FOXP1: variants seen among roughly 807,000 people sequenced by gnomAD.
FOXP1 encodes forkhead box P1.
FOXP1 carries 15 observed loss-of-function variants against 98.2 expected under a neutral mutation model. That is an observed-to-expected ratio of 0.15 (90% CI 0.10 to 0.24). FOXP1 has a LOEUF of 0.24. FOXP1 is among the 10% of genes least tolerant of loss of function. FOXP1 has a pLI of 1.00. For synonymous variants in FOXP1, 371 were observed against 314.5 expected (o/e 1.18, Z -1.90); for missense variants, 633 against 848.5 (o/e 0.75, Z 3.15).
chr3:71,388,850 C>T (rs2080803653), intron 3 of FOXP1, among the ~76,000 whole-genome samples: 1 of 152,130 alleles, frequency 6.6e-6, no homozygotes, highest in South Asian at 2.1e-4. Context: ...TTCATCACAG[C>T]TAATGTTCTG....
At chr3:71,154,155 T>C in intron 6 of FOXP1, among the ~76,000 whole-genome samples, 1 of 152,202 alleles carries the variant, frequency 6.6e-6, no homozygotes, top group East Asian at 1.9e-4. Context: ...AATGTGATAT[T>C]TTGAGAAAAA....
chr3:71,442,858 C>T (rs925002448), intron 3 of FOXP1, among the ~76,000 whole-genome samples: 1 of 151,844 alleles, frequency 6.6e-6, no homozygotes, highest in African/African-American at 2.4e-5. Flanking sequence ...GGCTCCAGCA[C>T]CTGCAGTTTT....
At chr3:71,260,078 G>A (rs1238758321) in intron 5 of FOXP1, among the ~76,000 whole-genome samples, 1 of 152,166 alleles carries the variant, frequency 6.6e-6, no homozygotes, top group Admixed American at 6.5e-5. Flanking sequence ...CCGCCTCCCG[G>A]GTTCACGCTA....
At chr3:71,046,057 T>C (rs569326167) in intron 10 of FOXP1, among the ~76,000 whole-genome samples, 7 of 152,272 alleles carry the variant, frequency 4.6e-5, no homozygotes, top group Non-Finnish European at 7.4e-5. Flanking sequence ...ACTTTCTACT[T>C]TCTCTTTCCT....
At chr3:71,276,082 A>G (rs1576713323) in intron 5 of FOXP1, 1 of 152,248 alleles carries the variant, frequency 6.6e-6, no homozygotes, top group East Asian at 1.9e-4. Flanking sequence ...ATGATTAAAA[A>G]GAAATCAGGT....
chr3:71,039,907 C>T (rs562089668), intron 11 of FOXP1, among the ~76,000 whole-genome samples: 6 of 152,256 alleles, frequency 3.9e-5, no homozygotes, highest in African/African-American at 1.2e-4. Flanking sequence ...CATTCTATTC[C>T]TCTATCTATT....
chr3:71,407,880 C>T (rs188709005), intron 3 of FOXP1, among the ~76,000 whole-genome samples: 1 of 152,280 alleles, frequency 6.6e-6, no homozygotes, highest in African/African-American at 2.4e-5. Context: ...AATTATCTGT[C>T]GCTCTACAAT....
chr3:71,193,036 T>C (rs551030731), intron 6 of FOXP1, among the ~76,000 whole-genome samples: 2 of 152,166 alleles, frequency 1.3e-5, no homozygotes, highest in Non-Finnish European at 2.9e-5. Flanking sequence ...GTCCCTCAAA[T>C]ACCATTTCCC....
At chr3:71,021,536 T>C (rs1269277366) in intron 11 of FOXP1, among the ~76,000 whole-genome samples, 1 of 152,210 alleles carries the variant, frequency 6.6e-6, no homozygotes, top group Admixed American at 6.5e-5. Flanking sequence ...CTGTTTTCAA[T>C]TTTAGGGGAT....
chr3:71,298,197 T>C (rs1250320574), intron 5 of FOXP1, among the ~76,000 whole-genome samples: 1 of 152,160 alleles, frequency 6.6e-6, no homozygotes, highest in Admixed American at 6.5e-5. Context: ...CCGGGAGCAG[T>C]GCCTCACGCC....
chr3:70,983,024 T>G (rs1212739716), intron 14 of FOXP1, among the ~76,000 whole-genome samples: 2 of 152,206 alleles, frequency 1.3e-5, no homozygotes, highest in Non-Finnish European at 2.9e-5. Flanking sequence ...TTTAACTGCA[T>G]GGCAGTGTCA....
intron 5 of FOXP1, among the ~76,000 whole-genome samples, chr3:71,259,571 G>C (rs2068921535): frequency 6.6e-6 from 1 of 152,044 alleles, no homozygotes; most frequent in African/African-American, 2.4e-5. Context: ...AAACCCTATG[G>C]GCGTCTGGTA....
chr3:71,023,562 A>C (rs1291829570), intron 11 of FOXP1, among the ~76,000 whole-genome samples: 1 of 152,206 alleles, frequency 6.6e-6, no homozygotes, highest in African/African-American at 2.4e-5. Context: ...CTTCAATGAC[A>C]GCTTATACAA....
At chr3:71,568,878 C>T (rs1441606196) in intron 2 of FOXP1, among the ~76,000 whole-genome samples, 1 of 152,156 alleles carries the variant, frequency 6.6e-6, no homozygotes, top group African/African-American at 2.4e-5. Context: ...AACTCCTGAC[C>T]TCAGGTGATC....
intron 7 of FOXP1, among the ~76,000 whole-genome samples, chr3:71,056,041 C>A (rs913525317): frequency 2.0e-5 from 3 of 152,182 alleles, no homozygotes; most frequent in African/African-American, 7.2e-5. Flanking sequence ...TAGAAAGGGG[C>A]ACAGGTGAAC....
At chr3:71,492,637 C>T (rs1206601539) in intron 3 of FOXP1, among the ~76,000 whole-genome samples, 1 of 152,098 alleles carries the variant, frequency 6.6e-6, no homozygotes, top group Admixed American at 6.6e-5. Context: ...CAATTAAATG[C>T]TATTCAATAC....
intron 10 of FOXP1, among the ~76,000 whole-genome samples, chr3:71,045,239 A>T (rs2048860411): frequency 6.6e-6 from 1 of 152,228 alleles, no homozygotes; most frequent in African/African-American, 2.4e-5. Flanking sequence ...CAATGCCATG[A>T]CTAGTGAATT....
At chr3:71,505,647 G>A (rs573115053) in intron 2 of FOXP1, among the ~76,000 whole-genome samples, 13 of 152,020 alleles carry the variant, frequency 8.6e-5, no homozygotes, top group African/African-American at 2.7e-4. Flanking sequence ...GGATAGTCTC[G>A]ATCTCCTGAC....
intron 6 of FOXP1, among the ~76,000 whole-genome samples, chr3:71,165,449 A>C (rs562836114): frequency 1.3e-5 from 2 of 152,220 alleles, no homozygotes; most frequent in Non-Finnish European, 2.9e-5. Flanking sequence ...CAAAGGACTA[A>C]CCAGACATTT....
Sources: gnomAD v4.1 joint callset for allele counts (sites outside exome capture counted in the v4.1 genomes callset) on GRCh38, gnomAD v4.1.1 for gene constraint, MANE v1.5 for transcripts, NCBI Gene and HGNC (gene_info 2026-07-23, HGNC 2026-07-21) for gene names.